Variants in CCT4 observed in about 807,000 individuals in gnomAD.
CCT4 encodes chaperonin containing TCP1 subunit 4.
CCT4 carries 17 observed loss-of-function variants against 62.5 expected under a neutral mutation model. That is an observed-to-expected ratio of 0.27 (90% CI 0.19 to 0.41). The LOEUF (loss-of-function observed/expected upper bound fraction) is 0.41, where lower values mean the gene tolerates loss of function less well. Ranked by LOEUF, CCT4 falls within the 10% of genes least tolerant of loss-of-function variation. CCT4 has a pLI of 1.00. For missense variants in CCT4, 592 were observed against 659.2 expected, an observed-to-expected ratio of 0.90 and a Z score of 1.12; for synonymous variants, 250 against 229.9, an observed-to-expected ratio of 1.09 and a Z score of -0.79.
Position 61,873,295 on chromosome 2 carries a change from T to G in CCT4, c.918-2A>C. The G allele has an allele frequency of 1.3e-6, 2 of 1,504,730 alleles. No homozygotes were observed. Among genetic ancestry groups the G allele is most frequent in the Non-Finnish European group, 1.8e-6 (2 of 1,084,502 alleles). 93.2% of individuals were successfully genotyped at this position (1,504,730 alleles called of 1,614,324 possible). A position where few individuals can be genotyped will look rare whatever the true frequency, so the allele number is the denominator to read the frequency against. ...AATGCAAGATCACTAAGAGCATCTC[T>G]AAAATACAAAATCAGTGATTATGTC... On this transcript the variant is annotated splice_acceptor_variant, in intron 8 of 13. Coordinates refer to ENST00000394440, the MANE Select transcript of CCT4 (RefSeq NM_006430.4). LOFTEE classifies it high-confidence loss of function.
At chr2:61,887,738 T>C (rs1305781041) in intron 1 of CCT4, among the ~76,000 whole-genome samples, 5 of 152,252 alleles carry the variant, frequency 3.3e-5, no homozygotes, top group African/African-American at 1.2e-4. Flanking sequence ...CTGGTCTTCC[T>C]GATTTCCAAC....
chr2:61,888,359 G>A (rs373701220), intron 1 of CCT4, 22 bp downstream of exon 1: 1 of 1,606,474 alleles, frequency 6.2e-7, no homozygotes, highest in Non-Finnish European at 8.5e-7. Context: ...CGGCGCCGCG[G>A]GTCAGGCCAT....
rs761725792 is a variant in CCT4 at position 61,880,237 on chromosome 2, T to G, written c.379+49A>C. The G allele has an allele frequency of 5.2e-5, 44 of 839,344 alleles. 1 individual carries two copies. The highest frequency in any genetic ancestry group is 6.7e-5 in the Non-Finnish European group (40 of 594,308). The allele number at this position is 839,344 out of a possible 1,614,324, so 52.0% of individuals were successfully genotyped here. On this transcript the variant is annotated intron_variant, in intron 4 of 13. Transcript: ENST00000394440. ...TGAATAACTTGGCTTTTCCTAAAGT[T>G]TGTTTTTTAAACTTTTCTTTATTCA...
chr2:61,868,424 C>T lies in CCT4; in HGVS notation c.*268G>A. On this transcript the variant is annotated 3_prime_UTR_variant, in exon 14 of 14. Coordinates refer to ENST00000394440, the MANE Select transcript of CCT4 (RefSeq NM_006430.4). The stretch of plus-strand genomic sequence containing the variant: ...TTTTTTTCCTCAACATGTAAACTCA[C>T]TTTTTACGCTTCTTTTATTAGTTTT... 1 of 421,560 alleles carries T rather than the reference C, an allele frequency of 2.4e-6. No individual in the cohort carries two copies. The highest frequency in any genetic ancestry group is 3.6e-5 in the South Asian group (1 of 27,480). 26.1% of individuals were successfully genotyped at this position (421,560 alleles called of 1,614,324 possible).
At chr2:61,879,179 G>A (rs1669060730) in intron 4 of CCT4, among the ~76,000 whole-genome samples, 168 bp from the exon 5 acceptor site, 1 of 151,606 alleles carries the variant, frequency 6.6e-6, no homozygotes, top group Non-Finnish European at 1.5e-5. Flanking sequence ...TGCTAACTAT[G>A]GCTAATAATT....
intron 12 of CCT4, among the ~76,000 whole-genome samples, chr2:61,870,374 A>G (rs543845086): frequency 6.6e-6 from 1 of 152,302 alleles, no homozygotes; most frequent in Non-Finnish European, 1.5e-5. Context: ...CTACAGTCTC[A>G]TATTTGCCAC....
At chr2:61,887,129 T>G (rs188689101) in intron 1 of CCT4, among the ~76,000 whole-genome samples, 70 of 152,346 alleles carry the variant, frequency 4.6e-4, no homozygotes, top group Non-Finnish European at 1.2e-4. Context: ...CCTAGACAAT[T>G]ATCCTACAAA....
Position 61,888,556 on chromosome 2 carries a change from G to T in CCT4, c.-49C>A. 6.9e-6 allele frequency: 11 copies of T among 1,588,486 alleles called. No individual in the cohort carries two copies. The highest frequency in any genetic ancestry group is 1.1e-5 in the South Asian group (1 of 89,368). On this transcript the variant is annotated 5_prime_UTR_variant, in exon 1 of 14. Coordinates refer to ENST00000394440, the MANE Select transcript of CCT4 (RefSeq NM_006430.4). ...TGGCTCGGGAAGGACGGATGGACCC[G>T]GATTCTGGCCGGCCGCAGTGTAATA...
In CCT4 at chr2:61,883,542, C is replaced by G; in HGVS notation, c.187G>C (p.Asp63His). ...GTAATGGTTACATCACCTTTTCCAT[C>G]TTGAATCTAGAAAAAAAATTTTAAA... ...GPKGMDKMIQ[D>H]GKGDVTITND... The change falls in exon 3 of 14, where the codon GAT (aspartate) becomes CAT (histidine). Residue 63 changes from aspartate to histidine, a missense_variant. Asp to His is a moderately conservative substitution (Grantham distance 81). Around this residue, in one of 3 missense-constraint regions of CCT4, gnomAD observed 522 missense variants for 571.2 expected, o/e 0.91. Coordinates refer to ENST00000394440, the MANE Select transcript of CCT4 (RefSeq NM_006430.4). 1 of 1,564,418 alleles carries G rather than the reference C, an allele frequency of 6.4e-7. No individual in the cohort carries two copies. Among genetic ancestry groups the G allele is most frequent in the Non-Finnish European group, 8.7e-7 (1 of 1,150,972 alleles).
At chr2:61,878,595 T>C (rs1669048090) in intron 5 of CCT4, among the ~76,000 whole-genome samples, 2 of 152,214 alleles carry the variant, frequency 1.3e-5, no homozygotes, top group African/African-American at 2.4e-5. Context: ...AGGTTTCTTA[T>C]AGGCAAATTA....
At chr2:61,873,337 A>C in intron 8 of CCT4, 44 bp from the exon 9 acceptor site, 1 of 1,060,408 alleles carries the variant, frequency 9.4e-7, no homozygotes, top group Non-Finnish European at 1.4e-6. Context: ...AGATTAAAAA[A>C]ATTTTGCTCT....
chr2:61,885,955 A>G (rs1000023325), intron 1 of CCT4: 4 of 152,216 alleles, frequency 2.6e-5, no homozygotes, highest in Non-Finnish European at 5.9e-5. Context: ...AGGAATGCTC[A>G]ATTTACAGAT....
chr2:61,881,703 CATGTA>C (rs1467492057), intron 3 of CCT4, among the ~76,000 whole-genome samples: 1 of 151,764 alleles, frequency 6.6e-6, no homozygotes, highest in Non-Finnish European at 1.5e-5. Flanking sequence ...TATCTTTTTT[CATGTA>C]ATGTTTCATT....
At chr2:61,879,229 T>C (rs1044941579) in intron 4 of CCT4, among the ~76,000 whole-genome samples, 1 of 151,156 alleles carries the variant, frequency 6.6e-6, no homozygotes, top group South Asian at 2.1e-4. Context: ...CACTTATTAA[T>C]GGTCTTGACT....
In CCT4 at chr2:61,872,299, C is replaced by T; in HGVS notation, c.1274G>A (p.Gly425Asp). ...GGCCAACTCTATTTCTGGAGCACCACCTCCTGCAATAAGAGCCCTGAAATT... is the reference window on the plus strand; with the variant it reads ...GGCCAACTCTATTTCTGGAGCACCATCTCCTGCAATAAGAGCCCTGAAATT... The part of the protein sequence containing the change: ...LVKKRALIAG[G>D]GAPEIELALR... The change falls in exon 12 of 14, where the codon GGT (glycine) becomes GAT (aspartate). Residue 425 changes from glycine to aspartate, a missense_variant. Coordinates refer to ENST00000394440, the MANE Select transcript of CCT4 (RefSeq NM_006430.4). 6.3e-7 allele frequency: 1 copy of T among 1,599,194 alleles called. No individual in the cohort carries two copies. Among genetic ancestry groups the T allele is most frequent in the Non-Finnish European group, 8.5e-7 (1 of 1,169,632 alleles).
chr2:61,868,853 T>C (rs942296404), intron 13 of CCT4, 147 bp from the exon 14 acceptor site: 3 of 667,160 alleles, frequency 4.5e-6, no homozygotes, highest in Non-Finnish European at 8.0e-6. Flanking sequence ...AAGTAAAAAC[T>C]TGGCCAGGCA....
At chr2:61,881,506 T>C (rs966350103) in intron 3 of CCT4, among the ~76,000 whole-genome samples, 6 of 152,060 alleles carry the variant, frequency 3.9e-5, no homozygotes, top group Admixed American at 2.6e-4. Context: ...TATTCCTCAA[T>C]AGTACCACAT....
intron 1 of CCT4, 66 bp downstream of exon 1, chr2:61,888,315 C>CAT (rs1669307185): frequency 1.3e-6 from 2 of 1,559,326 alleles, no homozygotes; most frequent in African/African-American, 2.7e-5. Flanking sequence ...CAAACCCGCT[C>CAT]AAGCCCACGA....
In CCT4 at chr2:61,885,091, A is replaced by G. The variant is rs1386441722; in HGVS notation, c.128-19T>C. On this transcript the variant is annotated intron_variant, in intron 1 of 13. Transcript: ENST00000394440. Reference sequence around the variant, plus strand: ...GCAACCGCTGCAGATGGGGGGGAAAAAAAAGAAAACAAATTAGAACTTTTT... The same window carrying G: ...GCAACCGCTGCAGATGGGGGGGAAAGAAAAGAAAACAAATTAGAACTTTTT... The G allele has an allele frequency of 5.2e-6, 8 of 1,527,564 alleles. No individual in the cohort carries two copies. In the East Asian group the frequency reaches 2.0e-4, roughly 38 times the overall value. The allele number at this position is 1,527,564 out of a possible 1,614,324, so 94.6% of individuals were successfully genotyped here. A position where few individuals can be genotyped will look rare whatever the true frequency, so the allele number is the denominator to read the frequency against.
Sources: gnomAD v4.1 joint callset for allele counts (sites outside exome capture counted in the v4.1 genomes callset) on GRCh38, gnomAD v4.1.1 for gene constraint, gnomAD v4.1.1 regional missense constraint, MANE v1.5 for transcripts, NCBI Gene and HGNC (gene_info 2026-07-23, HGNC 2026-07-21) for gene names.